BASP1: variants seen among roughly 807,000 people sequenced by gnomAD.
The protein encoded by BASP1 is brain acid soluble protein 1.
In BASP1, 1 loss-of-function variant was observed where a neutral mutation model predicts 2.2. The observed-to-expected ratio is 0.46, with a 90% CI of 0.16 to 2.17. BASP1 has a LOEUF of 2.17. BASP1 is among the 30% of genes most tolerant of loss of function. The pLI is 0.27. For synonymous variants in BASP1, 187 were observed against 154.2 expected, an observed-to-expected ratio of 1.21 and a Z score of -1.58; for missense variants, 352 against 327.2, an observed-to-expected ratio of 1.08 and a Z score of -0.58.
Position 17,276,512 on chromosome 5 carries a change from A to T in BASP1, c.*612A>T, listed in dbSNP as rs1740665136. ...CCAATCCTCCATTCTTCCTCTCCAG[A>T]TATTTTTGGGAGTGACAAACATTCT... On this transcript the variant is annotated 3_prime_UTR_variant, in exon 2 of 2. Coordinates refer to ENST00000322611, the MANE Select transcript of BASP1 (RefSeq NM_006317.5). 6.0e-6 allele frequency: 1 copy of T among 166,340 alleles called. No individual in the cohort carries two copies. The highest frequency in any genetic ancestry group is 2.1e-4 in the South Asian group (1 of 4,822). 10.3% of individuals were successfully genotyped at this position (166,340 alleles called of 1,614,324 possible). A position where few individuals can be genotyped will look rare whatever the true frequency, so the allele number is the denominator to read the frequency against.
At chr5:17,218,043 T>C (rs1021381091) in intron 1 of BASP1, among the ~76,000 whole-genome samples, 4 of 139,084 alleles carry the variant, frequency 2.9e-5, no homozygotes, top group Admixed American at 2.8e-4. Flanking sequence ...GCCGCTCGCA[T>C]GGTGGAGGGG....
rs1740677798 is a variant in BASP1, at chr5:17,276,825, T to C, written c.*925T>C. On this transcript the variant is annotated 3_prime_UTR_variant, in exon 2 of 2. Coordinates refer to ENST00000322611, the MANE Select transcript of BASP1 (RefSeq NM_006317.5). Reference sequence around the variant, plus strand: ...GTGCAACAGTAATAAAGTTAAACAATTAAAAAGAAGTAATAAAGACTATTG... The same window carrying C: ...GTGCAACAGTAATAAAGTTAAACAACTAAAAAGAAGTAATAAAGACTATTG... 6.0e-6 allele frequency: 1 copy of C among 166,818 alleles called. No homozygotes were observed. Among genetic ancestry groups the C allele is most frequent in the Non-Finnish European group, 1.5e-5 (1 of 68,070 alleles). 10.3% of individuals were successfully genotyped at this position (166,818 alleles called of 1,614,324 possible). A position where few individuals can be genotyped will look rare whatever the true frequency, so the allele number is the denominator to read the frequency against.
At chr5:17,233,698 G>A (rs1176417658) in intron 1 of BASP1, among the ~76,000 whole-genome samples, 1 of 152,042 alleles carries the variant, frequency 6.6e-6, no homozygotes, top group Non-Finnish European at 1.5e-5. Flanking sequence ...TTATGACACA[G>A]ATGAGTAATT....
Position 17,243,311 on chromosome 5 carries a change from G to A in BASP1, c.-10+25501G>A, listed in dbSNP as rs368407646. 1.4e-4 allele frequency among the ~76,000 whole-genome samples: 21 copies of A among 152,138 alleles called. No individual in the cohort carries two copies. The South Asian group carries it at 2.7e-3, about 20-fold the overall frequency. On this transcript the variant is annotated intron_variant, in intron 1 of 1. Transcript: ENST00000322611. ...CTATGGGCGTGGTGCGTACCACCAC[G>A]TCCAGCTGATTTTTGTATTTTTAGT... is the stretch of plus-strand genomic sequence containing the variant.
chr5:17,247,518 A>G (rs1427008627), intron 1 of BASP1, among the ~76,000 whole-genome samples: 1 of 152,210 alleles, frequency 6.6e-6, no homozygotes, highest in African/African-American at 2.4e-5. Context: ...AGACTGCCCA[A>G]TGAATGTAGT....
At chr5:17,245,694 AC>A (rs1358623225) in intron 1 of BASP1, among the ~76,000 whole-genome samples, 2 of 150,532 alleles carry the variant, frequency 1.3e-5, no homozygotes, top group East Asian at 2.0e-4. Flanking sequence ...TGTTTGGCTT[AC>A]TTTTTTAAAA....
At chr5:17,253,162 TTA>T (rs1175067916) in intron 1 of BASP1, among the ~76,000 whole-genome samples, 1 of 152,228 alleles carries the variant, frequency 6.6e-6, no homozygotes, top group African/African-American at 2.4e-5. Flanking sequence ...TTCAAAATAT[TTA>T]GTTACTTTAA....
At chr5:17,233,845 C>G (rs574239837) in intron 1 of BASP1, among the ~76,000 whole-genome samples, 1 of 151,434 alleles carries the variant, frequency 6.6e-6, no homozygotes, top group Non-Finnish European at 1.5e-5. Context: ...CTGGAAAATA[C>G]AGGCCGGGCG....
At chr5:17,222,644 G>T (rs1267466549) in intron 1 of BASP1, among the ~76,000 whole-genome samples, 1 of 152,130 alleles carries the variant, frequency 6.6e-6, no homozygotes, top group Non-Finnish European at 1.5e-5. Flanking sequence ...GTCAGAAATG[G>T]GATGAAATGG....
chr5:17,232,094 A>G (rs58399810), intron 1 of BASP1, among the ~76,000 whole-genome samples: 28 of 152,380 alleles, frequency 1.8e-4, no homozygotes, highest in African/African-American at 6.0e-4. Context: ...AGACATTACA[A>G]GTAATGAGTA....
chr5:17,247,163 C>T (rs989711473), intron 1 of BASP1, among the ~76,000 whole-genome samples: 10 of 152,030 alleles, frequency 6.6e-5, no homozygotes. Flanking sequence ...CCAGCCTGGG[C>T]GACAGAGCCA....
chr5:17,252,591 C>G (rs1157160650), intron 1 of BASP1, among the ~76,000 whole-genome samples: 3 of 152,126 alleles, frequency 2.0e-5, no homozygotes, highest in Admixed American at 6.5e-5. Flanking sequence ...AGTTTTTGAC[C>G]TGGTACGTGC....
chr5:17,224,253 GT>G (rs1739448503), intron 1 of BASP1, among the ~76,000 whole-genome samples: 1 of 152,134 alleles, frequency 6.6e-6, no homozygotes, highest in South Asian at 2.1e-4. Flanking sequence ...CCTTAAACAG[GT>G]TTTTGTATCT....
chr5:17,245,243 C>T (rs1230774986), intron 1 of BASP1, among the ~76,000 whole-genome samples: 4 of 147,726 alleles, frequency 2.7e-5, no homozygotes, highest in African/African-American at 7.5e-5. Flanking sequence ...TGGAGGTTGC[C>T]GTGAGCTGAG....
intron 1 of BASP1, among the ~76,000 whole-genome samples, chr5:17,264,896 T>C (rs1335182968): frequency 6.6e-6 from 1 of 152,246 alleles, no homozygotes; most frequent in East Asian, 1.9e-4. Flanking sequence ...TGATTCAAAC[T>C]GCCCTATATA....
Position 17,260,967 on chromosome 5 carries a change from C to T in BASP1, c.-9-14241C>T, listed in dbSNP as rs1250395994. On this transcript the variant is annotated intron_variant, in intron 1 of 1. Coordinates refer to ENST00000322611, the MANE Select transcript of BASP1 (RefSeq NM_006317.5). The surrounding 1 kb of genome is among the most constrained non-coding windows in gnomAD (Gnocchi z 4.2). ...AGGGTGGGAGGATTGATTGCTTGAG[C>T]TCAGGAGTTAAAGACTAGCCTGGGA... is the stretch of plus-strand genomic sequence containing the variant. Among the ~76,000 whole-genome samples, 1 of 152,188 alleles carries T rather than the reference C, an allele frequency of 6.6e-6. No homozygotes were observed. The highest frequency in any genetic ancestry group is 1.9e-4 in the East Asian group (1 of 5,192).
chr5:17,230,430 AAT>A (rs1446273547), intron 1 of BASP1, among the ~76,000 whole-genome samples: 1 of 152,108 alleles, frequency 6.6e-6, no homozygotes, highest in African/African-American at 2.4e-5. Flanking sequence ...AACCAAGGCT[AAT>A]GAATTTTGGG....
intron 1 of BASP1, among the ~76,000 whole-genome samples, chr5:17,272,971 C>G (rs1740559719): frequency 6.6e-6 from 1 of 152,068 alleles, no homozygotes; most frequent in South Asian, 2.1e-4. Context: ...CTTACTGGAC[C>G]CCCTATGTTT....
Position 17,275,994 on chromosome 5 carries a change from CTCTCTCCTCTCCTA to C in BASP1, c.*106_*119del, listed in dbSNP as rs1308816816. On this transcript the variant is annotated 3_prime_UTR_variant, in exon 2 of 2. Coordinates refer to ENST00000322611, the MANE Select transcript of BASP1 (RefSeq NM_006317.5). The surrounding 1 kb of genome is among the most constrained non-coding windows in gnomAD (Gnocchi z 5.3). ...CTATCTCTCTCTCTATCTCCTCTCT[CTCTCTCCTCTCCTA>C]TCTCTCCTCTCTCTCTCTCCTATAC... 2.5e-4 allele frequency: 276 copies of C among 1,113,308 alleles called. 1 individual carries two copies. The highest frequency in any genetic ancestry group is 6.5e-4 in the Middle Eastern group (2 of 3,094). 69.0% of individuals were successfully genotyped at this position (1,113,308 alleles called of 1,614,324 possible).
Sources: gnomAD v4.1 joint callset for allele counts (sites outside exome capture counted in the v4.1 genomes callset) on GRCh38, gnomAD v4.1.1 for gene constraint, Gnocchi (gnomAD v3.1) non-coding constraint, MANE v1.5 for transcripts, NCBI Gene and HGNC (gene_info 2026-07-23, HGNC 2026-07-21) for gene names.